PCDH15: variants seen among roughly 807,000 people sequenced by gnomAD.
PCDH15 encodes the protein protocadherin related 15, also known as protocadherin-15.
A neutral mutation model predicts 178.5 loss-of-function variants in PCDH15; 129 were observed. The ratio of observed to expected loss-of-function variants is 0.72; its 90% CI spans 0.63 to 0.84. The LOEUF is 0.84. Among genes scored for constraint, PCDH15 ranks in the 40% least tolerant of loss-of-function variants. The pLI is 0.00. For synonymous variants in PCDH15, 800 were observed against 732.0 expected, an observed-to-expected ratio of 1.09 and a Z score of -1.50; for missense variants, 2,230 against 2,099.9, an observed-to-expected ratio of 1.06 and a Z score of -1.21.
intron 2 of PCDH15, among the ~76,000 whole-genome samples, chr10:54,607,448 G>A (rs2092791183): frequency 1.3e-5 from 2 of 151,484 alleles, no homozygotes; most frequent in African/African-American, 2.4e-5. Flanking sequence ...ATTAAAGAAT[G>A]GCAGTAGACT....
At chr10:54,261,290 A>G (rs1591473775) in intron 8 of PCDH15, among the ~76,000 whole-genome samples, 1 of 152,128 alleles carries the variant, frequency 6.6e-6, no homozygotes, top group Non-Finnish European at 1.5e-5. Flanking sequence ...TAAAAAAGCT[A>G]TCATTAATAT....
chr10:55,295,470 T>G (rs971336143), intron 1 of PCDH15, among the ~76,000 whole-genome samples: 5 of 152,226 alleles, frequency 3.3e-5, no homozygotes, highest in African/African-American at 1.2e-4. Context: ...TAAGTATTGT[T>G]GCAAGGCAAG....
intron 21 of PCDH15, among the ~76,000 whole-genome samples, chr10:53,968,407 T>C (rs1450740412): frequency 6.6e-6 from 1 of 152,316 alleles, no homozygotes; most frequent in East Asian, 1.9e-4. Flanking sequence ...CCTGCCTCTG[T>C]AGACTCCACC....
chr10:53,927,907 CAA>C (rs1284188556), intron 25 of PCDH15, among the ~76,000 whole-genome samples: 1 of 152,064 alleles, frequency 6.6e-6, no homozygotes, highest in Non-Finnish European at 1.5e-5. Context: ...AATGATTAAG[CAA>C]AGTCTCAAAA....
chr10:55,052,822 T>C (rs1407399271), intron 2 of PCDH15, among the ~76,000 whole-genome samples: 1 of 152,138 alleles, frequency 6.6e-6, no homozygotes, highest in African/African-American at 2.4e-5. Context: ...ACTATTTAAT[T>C]ATAGCAATTT....
chr10:53,983,362 GAA>G (rs202119695), intron 21 of PCDH15, among the ~76,000 whole-genome samples: 18 of 131,634 alleles, frequency 1.4e-4, no homozygotes, highest in African/African-American at 4.6e-4. Flanking sequence ...AAAAGAGAAA[GAA>G]AAAAAAAAAA....
intron 15 of PCDH15, among the ~76,000 whole-genome samples, chr10:54,127,474 C>T (rs185614294): frequency 9.7e-4 from 148 of 152,192 alleles, no homozygotes; most frequent in African/African-American, 3.3e-3. Context: ...AGAATTTTAT[C>T]GTAAATAAGC....
chr10:53,992,837 GTA>G (rs2091616225), intron 21 of PCDH15, among the ~76,000 whole-genome samples: 1 of 152,176 alleles, frequency 6.6e-6, no homozygotes, highest in African/African-American at 2.4e-5. Flanking sequence ...CTTCAATTTA[GTA>G]GAGGGAAAAG....
At chr10:54,279,486 A>C (rs982952724) in intron 8 of PCDH15, among the ~76,000 whole-genome samples, 1 of 151,716 alleles carries the variant, frequency 6.6e-6, no homozygotes, top group Admixed American at 6.6e-5. Flanking sequence ...AAGTTTCCGC[A>C]GTAGAGAAGG....
chr10:55,228,277 G>A (rs1053114746), intron 1 of PCDH15, among the ~76,000 whole-genome samples: 7 of 151,978 alleles, frequency 4.6e-5, no homozygotes, highest in African/African-American at 1.4e-4. Context: ...TAGCCATCCT[G>A]TGCAAAAAGT....
chr10:54,958,761 A>G (rs1838560829), intron 2 of PCDH15, among the ~76,000 whole-genome samples: 1 of 151,610 alleles, frequency 6.6e-6, no homozygotes, highest in African/African-American at 2.4e-5. Context: ...AGAGAAAAGG[A>G]TAGTCAAAAA....
chr10:54,161,043 CAT>C (rs1045501055), intron 13 of PCDH15, among the ~76,000 whole-genome samples: 4 of 151,998 alleles, frequency 2.6e-5, no homozygotes, highest in Non-Finnish European at 5.9e-5. Flanking sequence ...GAAAAATAAA[CAT>C]ATATGTGTAT....
chr10:55,577,312 C>T (rs1006848597), intron 2 of PCDH15, among the ~76,000 whole-genome samples: 1 of 151,972 alleles, frequency 6.6e-6, no homozygotes, highest in Admixed American at 6.6e-5. Context: ...AATTTATTTT[C>T]AGATTTTATT....
intron 2 of PCDH15, among the ~76,000 whole-genome samples, chr10:55,456,591 C>T (rs1404809362): frequency 6.6e-6 from 1 of 151,782 alleles, no homozygotes; most frequent in African/African-American, 2.4e-5. Flanking sequence ...GGGAAGAAAA[C>T]CTTATTGAAT....
intron 1 of PCDH15, among the ~76,000 whole-genome samples, chr10:54,750,671 T>C (rs1591436104): frequency 6.6e-6 from 1 of 152,264 alleles, no homozygotes; most frequent in Admixed American, 6.5e-5. Flanking sequence ...TAATGCAAAT[T>C]GCATATACAT....
chr10:54,947,616 CAT>C (rs949584020), intron 2 of PCDH15, among the ~76,000 whole-genome samples: 2 of 151,710 alleles, frequency 1.3e-5, no homozygotes, highest in Non-Finnish European at 3.0e-5. Context: ...TGTGTGTGCA[CAT>C]GTGTGTGTAT....
intron 2 of PCDH15, among the ~76,000 whole-genome samples, chr10:55,072,114 T>C (rs1358232906): frequency 6.6e-6 from 1 of 151,460 alleles, no homozygotes; most frequent in East Asian, 1.9e-4. Flanking sequence ...AGAGGGAAAT[T>C]TATAGCACTA....
rs200748221 is a variant in PCDH15, at chr10:53,903,362, C to T, written c.3382G>A (p.Ala1128Thr). ...NLRVPSKSNT[A>T]KVYIEIQDEN... ...TCCTGAATCTCAATGTATACTTTAG[C>T]TGTATTGCCTGGAGGACAAGAAACG... The change falls in exon 26 of 38, where the codon GCT (alanine) becomes ACT (threonine). Residue 1128 changes from alanine (A) to threonine (T), a missense_variant. Physicochemically the swap from Ala to Thr is moderately conservative, Grantham distance 58. Transcript: ENST00000644397. 11 of 1,612,652 alleles carry T rather than the reference C, an allele frequency of 6.8e-6. No homozygotes were observed. In the African/African-American group the frequency reaches 1.1e-4, roughly 16 times the overall value.
chr10:54,256,612 G>T (rs1268873790), intron 8 of PCDH15, among the ~76,000 whole-genome samples: 1 of 152,112 alleles, frequency 6.6e-6, no homozygotes, highest in Admixed American at 6.6e-5. Flanking sequence ...CATTATATGT[G>T]TAAGGCTGCT....
Sources: allele counts gnomAD v4.1 joint callset (sites outside exome capture counted in the v4.1 genomes callset), GRCh38; gene constraint gnomAD v4.1.1; transcripts MANE v1.5; gene names NCBI Gene and HGNC (gene_info 2026-07-23, HGNC 2026-07-21).